CNTROB: variants seen among roughly 807,000 people sequenced by gnomAD.
CNTROB encodes the protein centrobin, centriole duplication and spindle assembly protein.
Under a neutral mutation model 115.7 loss-of-function variants are expected in CNTROB, and 82 were observed. The observed-to-expected ratio is 0.71, with a 90% CI of 0.59 to 0.85. CNTROB has a LOEUF of 0.85. Among genes scored for constraint, CNTROB ranks in the 40% least tolerant of loss-of-function variants. The pLI, the probability that CNTROB is intolerant of heterozygous loss-of-function variation, is 0.00. For synonymous variants in CNTROB, 439 were observed against 456.4 expected (o/e 0.96, Z 0.49); for missense variants, 1,014 against 1,144.4 (o/e 0.89, Z 1.64).
Position 7,948,763 on chromosome 17 carries a change from T to C in CNTROB, c.2513+144T>C. The C allele has an allele frequency of 2.5e-6, 4 of 1,585,096 alleles. No homozygotes were observed. Among genetic ancestry groups the C allele is most frequent in the Non-Finnish European group, 3.4e-6 (4 of 1,161,562 alleles). ...GGATGAGAGGTGGATCCACAGATCT[T>C]CTCTAACTGCCCCACACTTTTCTTT... On this transcript the variant is annotated intron_variant, in intron 17 of 18. Coordinates refer to ENST00000563694, the MANE Select transcript of CNTROB (RefSeq NM_053051.5). The surrounding 1 kb of genome is among the most constrained non-coding windows in gnomAD (Gnocchi z 4.4).
Position 7,939,993 on chromosome 17 carries a change from G to A in CNTROB, c.1165-103G>A, listed in dbSNP as rs572260247. The stretch of plus-strand genomic sequence containing the variant: ...GAAATAAAACAAATGGGAGGAGCTG[G>A]GGGAAGCTTGGATTTTAGGGTTTGG... On this transcript the variant is annotated intron_variant, in intron 8 of 18. Transcript: ENST00000563694. This position sits in a 1 kb window ranked among gnomAD's most constrained non-coding sequence, Gnocchi z 4.4. The A allele has an allele frequency of 3.7e-6, 5 of 1,352,870 alleles. No individual in the cohort carries two copies. Among genetic ancestry groups the A allele is most frequent in the Admixed American group, 4.5e-5 (2 of 44,268 alleles). 83.8% of individuals were successfully genotyped at this position (1,352,870 alleles called of 1,614,324 possible). A position where few individuals can be genotyped will look rare whatever the true frequency, so the allele number is the denominator to read the frequency against.
Position 7,933,363 on chromosome 17 carries a change from G to A in CNTROB, c.270+14G>A, listed in dbSNP as rs1388974048. 1 of 1,604,764 alleles carries A rather than the reference G, an allele frequency of 6.2e-7. No homozygotes were observed. The highest frequency in any genetic ancestry group is 1.1e-5 in the South Asian group (1 of 89,982). ...TTGAAGAAAAAGGTGAGGGAAGTGT[G>A]TCTTGGAGACCACTGTGGCACTAGA... On this transcript the variant is annotated intron_variant, in intron 1 of 18. Coordinates refer to ENST00000563694, the MANE Select transcript of CNTROB (RefSeq NM_053051.5).
Position 7,940,140 on chromosome 17 carries a change from CCAGTTGGCATTGGTG to C in CNTROB, c.1214_1228del (p.Leu405_Gln409del), listed in dbSNP as rs576991173. ...CCCAGGCCGCCTGGGAGACCCAGCA[CCAGTTGGCATTGGTG>C]CAGTCTGAGGTGCGGCGGCTGGAAG... is the stretch of plus-strand genomic sequence containing the variant. On this transcript the variant is annotated inframe_deletion, in exon 9 of 19. Transcript: ENST00000563694. The C allele has an allele frequency of 4.7e-4, 756 of 1,612,440 alleles. 3 individuals carry two copies. The African/African-American group carries it at 9.1e-3, about 19-fold the overall frequency.
rs1230363038 is a variant in CNTROB at position 7,933,211 on chromosome 17, C to T, written c.132C>T (p.Leu44=). The change falls in exon 1 of 19, where the codon CTC becomes CTT. Residue 44 remains leucine, a synonymous_variant. Transcript: ENST00000563694. ...VTSQLYASLR[L]SRQAEATARA... is the part of the protein sequence containing the mutation. ...CCCAGCTCTATGCTTCTTTGCGCCT[C>T]AGCCGGCAGGCGGAGGCCACGGCCC... 1.9e-6 allele frequency: 3 copies of T among 1,614,138 alleles called. No homozygotes were observed. Among genetic ancestry groups the T allele is most frequent in the African/African-American group, 2.7e-5 (2 of 74,946 alleles).
At position 7,933,241 on chromosome 17, in the gene CNTROB, C is replaced by T. The variant is rs1342162583; in HGVS notation, c.162C>T (p.Ala54=). 1 of 1,614,254 alleles carries T rather than the reference C, an allele frequency of 6.2e-7. No individual in the cohort carries two copies. Among genetic ancestry groups the T allele is most frequent in the East Asian group, 2.2e-5 (1 of 44,882 alleles). Residue 54 remains alanine (A), a synonymous_variant, in exon 1 of 19, where the codon GCC becomes GCT. Transcript: ENST00000563694. The part of the protein sequence containing the change: ...LSRQAEATAR[A]QLYLPSTSPP... ...GGCAGGCGGAGGCCACGGCCCGAGC[C>T]CAGCTGTATTTACCCTCCACCTCCC...
At position 7,943,680 on chromosome 17, in the gene CNTROB, G is replaced by A. The variant is rs1974183228; in HGVS notation, c.1445+156G>A. 1.3e-6 allele frequency: 1 copy of A among 787,370 alleles called. No homozygotes were observed. Among genetic ancestry groups the A allele is most frequent in the Non-Finnish European group, 1.9e-6 (1 of 516,736 alleles). 48.8% of individuals were successfully genotyped at this position (787,370 alleles called of 1,614,324 possible). A position where few individuals can be genotyped will look rare whatever the true frequency, so the allele number is the denominator to read the frequency against. On this transcript the variant is annotated intron_variant, in intron 10 of 18. Transcript: ENST00000563694. The surrounding 1 kb of genome is among the most constrained non-coding windows in gnomAD (Gnocchi z 4.7). Reference sequence around the variant, plus strand: ...CTGGGACCTGAGTCTCTCTCGGGAGGGCTGCCTTCACGCGTTCATGGAGAG... The same window carrying A: ...CTGGGACCTGAGTCTCTCTCGGGAGAGCTGCCTTCACGCGTTCATGGAGAG...
intron 9 of CNTROB, 48 bp downstream of exon 9, chr17:7,940,290 C>G: frequency 6.5e-7 from 1 of 1,531,298 alleles, no homozygotes; most frequent in Non-Finnish European, 8.8e-7. Flanking sequence ...AGAAGTAGAT[C>G]TGAGGCAGAG....
At position 7,935,072 on chromosome 17, in the gene CNTROB, C is replaced by G. The variant is rs145509856; in HGVS notation, c.521C>G (p.Pro174Arg). Residue 174 changes from proline (P) to arginine (R), a missense_variant, in exon 4 of 19, where the codon CCA becomes CGA. Transcript: ENST00000563694. ...ELFPRYTSLR[P>R]GPPLNPPDFQ... ...TTTCCCCGCTACACCAGCCTTCGGC[C>G]AGGGCCTCCACTCAATCCCCCAGAT... 4.3e-6 allele frequency: 7 copies of G among 1,614,198 alleles called. No individual in the cohort carries two copies. Among genetic ancestry groups the G allele is most frequent in the Non-Finnish European group, 5.1e-6 (6 of 1,180,048 alleles).
chr17:7,941,855 C>T (rs1973915854), intron 9 of CNTROB, among the ~76,000 whole-genome samples: 1 of 151,488 alleles, frequency 6.6e-6, no homozygotes, highest in African/African-American at 2.4e-5. Context: ...CCCAGCTACT[C>T]GGGAGGCTGA....
chr17:7,940,812 C>T (rs1384646142), intron 9 of CNTROB, among the ~76,000 whole-genome samples: 2 of 152,226 alleles, frequency 1.3e-5, no homozygotes. Context: ...ACTAGTCGGA[C>T]TCTTGCCATG....
Position 7,935,207 on chromosome 17 carries a change from G to A in CNTROB, c.594+62G>A, listed in dbSNP as rs879110445. 99 of 1,607,084 alleles carry A rather than the reference G, an allele frequency of 6.2e-5. 1 individual carries two copies. The South Asian group carries it at 1.1e-3, about 17-fold the overall frequency. On this transcript the variant is annotated intron_variant, in intron 4 of 18. Coordinates refer to ENST00000563694, the MANE Select transcript of CNTROB (RefSeq NM_053051.5). ...ATTAGAAAGAGGGGACCCAAGTGTTGAAAAGGGCTGAGGGGGCCTGGCGTG... is the reference window on the plus strand; with the variant it reads ...ATTAGAAAGAGGGGACCCAAGTGTTAAAAAGGGCTGAGGGGGCCTGGCGTG...
At chr17:7,933,500 AAGGG>A in intron 1 of CNTROB, 151 bp downstream of exon 1, 1 of 837,272 alleles carries the variant, frequency 1.2e-6, no homozygotes, top group Non-Finnish European at 1.8e-6. Flanking sequence ...CCATGCTTAT[AAGGG>A]AGGGAGTGAC....
chr17:7,944,601 A>AGCT lies in CNTROB; in HGVS notation c.1701_1703dup (p.Leu568dup). Reference sequence around the variant, plus strand: ...CAGGCCCACTGGGATGAGGCCAACCAGCTGCTCAGCACCACTCTCCCGCCG... The same window carrying AGCT: ...CAGGCCCACTGGGATGAGGCCAACCAGCTGCTGCTCAGCACCACTCTCCCGCCG... On this transcript the variant is annotated inframe_insertion, in exon 12 of 19. Transcript: ENST00000563694. This position sits in a 1 kb window ranked among gnomAD's most constrained non-coding sequence, Gnocchi z 4.0. The AGCT allele has an allele frequency of 6.2e-7, 1 of 1,613,912 alleles. No homozygotes were observed.
Position 7,948,374 on chromosome 17 carries a change from A to G in CNTROB, c.2380+47A>G. 6.2e-7 allele frequency: 1 copy of G among 1,611,296 alleles called. No individual in the cohort carries two copies. Among genetic ancestry groups the G allele is most frequent in the East Asian group, 2.2e-5 (1 of 44,862 alleles). On this transcript the variant is annotated intron_variant, in intron 16 of 18. Transcript: ENST00000563694. This position sits in a 1 kb window ranked among gnomAD's most constrained non-coding sequence, Gnocchi z 4.4. Reference sequence around the variant, plus strand: ...AGGGAAAAAAGGAGGGACAGTCCTGAGTGTGGATCCAGTACAGGCACTTAC... The same window carrying G: ...AGGGAAAAAAGGAGGGACAGTCCTGGGTGTGGATCCAGTACAGGCACTTAC...
At position 7,949,660 on chromosome 17, in the gene CNTROB, T is replaced by G; in HGVS notation, c.*150T>G. The G allele has an allele frequency of 1.5e-6, 1 of 678,174 alleles. No homozygotes were observed. The highest frequency in any genetic ancestry group is 1.8e-5 in the African/African-American group (1 of 54,116). 42.0% of individuals were successfully genotyped at this position (678,174 alleles called of 1,614,324 possible). On this transcript the variant is annotated 3_prime_UTR_variant, in exon 19 of 19. Coordinates refer to ENST00000563694, the MANE Select transcript of CNTROB (RefSeq NM_053051.5). Reference sequence around the variant, plus strand: ...CGTAAAGAAACCACATTTGGTTGAGTACTTTTTTTATATGTTACATGTTTA... The same window carrying G: ...CGTAAAGAAACCACATTTGGTTGAGGACTTTTTTTATATGTTACATGTTTA...
chr17:7,938,476 G>A (rs1404023028), intron 7 of CNTROB, among the ~76,000 whole-genome samples: 1 of 152,218 alleles, frequency 6.6e-6, no homozygotes, highest in Non-Finnish European at 1.5e-5. Flanking sequence ...GATGGTTCAC[G>A]ATTATAGGCT....
At chr17:7,932,135 TG>T, upstream of CNTROB, 1 of 422,500 alleles carries the variant, frequency 2.4e-6, no homozygotes, top group Non-Finnish European at 4.3e-6. Flanking sequence ...GATACAGAAG[TG>T]ATGTGAGTGT....
upstream of CNTROB, chr17:7,932,160 C>G (rs1598047697): frequency 3.0e-6 from 1 of 330,600 alleles, no homozygotes; most frequent in South Asian, 4.2e-5. Flanking sequence ...CGAGCGTGGT[C>G]TCGCGGGCGG....
Position 7,944,465 on chromosome 17 carries a change from C to G in CNTROB, c.1572-11C>G, listed in dbSNP as rs1200861449. On this transcript the variant is annotated splice_polypyrimidine_tract_variant and intron_variant, in intron 11 of 18. Transcript: ENST00000563694. The surrounding 1 kb of genome is among the most constrained non-coding windows in gnomAD (Gnocchi z 4.0). ...AAAGGCCCTGAGTCACTTCTTCTCTCTTTGCTTCAGACTGGCCCGGGAGCA... is the reference window on the plus strand; with the variant it reads ...AAAGGCCCTGAGTCACTTCTTCTCTGTTTGCTTCAGACTGGCCCGGGAGCA... 6.2e-7 allele frequency: 1 copy of G among 1,611,828 alleles called. No homozygotes were observed. Among genetic ancestry groups the G allele is most frequent in the East Asian group, 2.2e-5 (1 of 44,830 alleles).
Sources: allele counts gnomAD v4.1 joint callset (sites outside exome capture counted in the v4.1 genomes callset), GRCh38; gene constraint gnomAD v4.1.1; non-coding constraint Gnocchi (gnomAD v3.1); transcripts MANE v1.5; gene names NCBI Gene and HGNC (gene_info 2026-07-23, HGNC 2026-07-21).